Variants in NXN observed in about 807,000 individuals in gnomAD.
NXN encodes nucleoredoxin, also known as nucleoredoxin 1.
Under a neutral mutation model 48.6 loss-of-function variants are expected in NXN, and 16 were observed. The observed-to-expected ratio is 0.33, with a 90% CI of 0.22 to 0.50. The LOEUF (loss-of-function observed/expected upper bound fraction) is 0.50. NXN is among the 20% of genes least tolerant of loss of function. NXN has a pLI of 0.98. For missense variants in NXN, 492 were observed against 605.5 expected (o/e 0.81, Z 1.97); for synonymous variants, 281 against 269.6 (o/e 1.04, Z -0.41).
In NXN at chr17:919,965, T is replaced by C. The variant is rs11247564; in HGVS notation, c.360+59354A>G. ...CTGCCTCAGCCCCCACCGGCACCCT[T>C]GGTGCCTTCATCACCCATCCAGAGC... is the stretch of plus-strand genomic sequence containing the variant. On this transcript the variant is annotated intron_variant, in intron 1 of 7. Coordinates refer to ENST00000336868, the MANE Select transcript of NXN (RefSeq NM_022463.5). The surrounding 1 kb of genome is among the most constrained non-coding windows in gnomAD (Gnocchi z 5.1). Among the ~76,000 whole-genome samples, 89,356 of 151,700 alleles carry C rather than the reference T, an allele frequency of 0.59. 26,803 individuals are homozygous for C. Among genetic ancestry groups the C allele is most frequent in the East Asian group, 0.84 (4,337 of 5,152 alleles).
intron 1 of NXN, among the ~76,000 whole-genome samples, chr17:882,058 T>TG (rs1448216104): frequency 6.6e-6 from 1 of 152,168 alleles, no homozygotes; most frequent in Non-Finnish European, 1.5e-5. Flanking sequence ...CACACTGAGC[T>TG]GGGTCCTTAA....
rs901154521 is a variant in NXN, at chr17:819,686, A to G, written c.714-141T>C. ...CACTGTGCTCCTTAGGCAACAGGCT[A>G]TGGGAGTGTGTTATTCTACCCCGGC... On this transcript the variant is annotated intron_variant, in intron 4 of 7. Coordinates refer to ENST00000336868, the MANE Select transcript of NXN (RefSeq NM_022463.5). 4.9e-6 allele frequency: 3 copies of G among 611,764 alleles called. No individual in the cohort carries two copies. In the African/African-American group the frequency reaches 5.6e-5, roughly 11 times the overall value. The allele number at this position is 611,764 out of a possible 1,614,324, so 37.9% of individuals were successfully genotyped here.
chr17:839,694 C>T (rs78252211), intron 1 of NXN, among the ~76,000 whole-genome samples: 7,111 of 150,068 alleles, frequency 0.047, 284 homozygotes, highest in East Asian at 0.24. Context: ...CCCAGCTACG[C>T]AGGAGGTTGA....
intron 1 of NXN, among the ~76,000 whole-genome samples, chr17:955,667 C>T (rs370046265): frequency 1.3e-4 from 20 of 149,454 alleles, no homozygotes; most frequent in Admixed American, 3.3e-4. Flanking sequence ...GAGGCCGAGG[C>T]GGGCGGATCA....
At chr17:851,650 A>G (rs968622128) in intron 1 of NXN, among the ~76,000 whole-genome samples, 3 of 152,224 alleles carry the variant, frequency 2.0e-5, no homozygotes, top group African/African-American at 4.8e-5. Flanking sequence ...AGGCGTCCAC[A>G]TGTATCATTT....
At chr17:962,756 C>T (rs1293366393) in intron 1 of NXN, among the ~76,000 whole-genome samples, 3 of 152,126 alleles carry the variant, frequency 2.0e-5, no homozygotes, top group African/African-American at 7.2e-5. Context: ...GGCTTTTGTC[C>T]CCATATACAT....
rs908219320 is a variant in NXN, at chr17:920,709, C to T, written c.360+58610G>A. The stretch of plus-strand genomic sequence containing the variant: ...CTCAAAATCACCTGGAAGATTCCAC[C>T]GTTCAGGAAGCCTTTTTTTTTTTTT... On this transcript the variant is annotated intron_variant, in intron 1 of 7. Coordinates refer to ENST00000336868, the MANE Select transcript of NXN (RefSeq NM_022463.5). This position sits in a 1 kb window ranked among gnomAD's most constrained non-coding sequence, Gnocchi z 4.6. Among the ~76,000 whole-genome samples, 9 of 150,766 alleles carry T rather than the reference C, an allele frequency of 6.0e-5. No individual in the cohort carries two copies. Among genetic ancestry groups the T allele is most frequent in the African/African-American group, 2.2e-4 (9 of 41,346 alleles).
At chr17:808,973 A>G (rs909811656) in intron 5 of NXN, among the ~76,000 whole-genome samples, 2 of 152,154 alleles carry the variant, frequency 1.3e-5, no homozygotes, top group East Asian at 1.9e-4. Context: ...CACCGCACCC[A>G]GCCATTATAT....
intron 1 of NXN, among the ~76,000 whole-genome samples, chr17:847,596 A>G (rs2144735805): frequency 6.6e-6 from 1 of 152,262 alleles, no homozygotes; most frequent in Non-Finnish European, 1.5e-5. Flanking sequence ...CCACGTCCAC[A>G]GCAAAAGGAA....
rs1306990893 is a variant in NXN at position 800,738 on chromosome 17, G to C, written c.*211C>G. 1.0e-5 allele frequency: 4 copies of C among 390,026 alleles called. No homozygotes were observed. The highest frequency in any genetic ancestry group is 1.4e-5 in the Non-Finnish European group (3 of 220,744). 24.2% of individuals were successfully genotyped at this position (390,026 alleles called of 1,614,324 possible). A position where few individuals can be genotyped will look rare whatever the true frequency, so the allele number is the denominator to read the frequency against. On this transcript the variant is annotated 3_prime_UTR_variant, in exon 8 of 8. Transcript: ENST00000336868. ...CCCGGCCATCCCGTGCTCCCAAACA[G>C]AGTCTCCAAACACGGTGGACTCTGC...
chr17:803,583 A>G, intron 7 of NXN, 99 bp downstream of exon 7: 1 of 1,493,892 alleles, frequency 6.7e-7, no homozygotes, highest in Non-Finnish European at 9.2e-7. Flanking sequence ...GGCAGCCCTG[A>G]CCCTGGGGTC....
rs2663323 is a variant in NXN, at chr17:963,213, G to A, written c.360+16106C>T. Among the ~76,000 whole-genome samples the A allele has an allele frequency of 1.6e-3, 173 of 107,658 alleles. 3 individuals are homozygous for A. The highest frequency in any genetic ancestry group is 1.0e-2 in the African/African-American group (113 of 11,310). The allele number at this position is 107,658 out of a possible 152,430, so 70.6% of individuals were successfully genotyped here. A position where few individuals can be genotyped will look rare whatever the true frequency, so the allele number is the denominator to read the frequency against. Reference sequence around the variant, plus strand: ...AAAAAAAAGGTATAGGTACTGGGACGGACACACACACACACACACACACAC... The same window carrying A: ...AAAAAAAAGGTATAGGTACTGGGACAGACACACACACACACACACACACAC... On this transcript the variant is annotated intron_variant, in intron 1 of 7. Transcript: ENST00000336868.
chr17:918,555 G>A (rs2068713616), intron 1 of NXN, among the ~76,000 whole-genome samples: 1 of 152,172 alleles, frequency 6.6e-6, no homozygotes, highest in African/African-American at 2.4e-5. Flanking sequence ...CAGAAAGTGA[G>A]GCCGAGGCGG....
At chr17:954,449 G>A (rs2069144690) in intron 1 of NXN, among the ~76,000 whole-genome samples, 1 of 152,240 alleles carries the variant, frequency 6.6e-6, no homozygotes, top group Non-Finnish European at 1.5e-5. Flanking sequence ...TCAAGTGGCA[G>A]GTCTGACCCG....
At chr17:816,763 A>G (rs1174483546) in intron 5 of NXN, among the ~76,000 whole-genome samples, 2 of 152,308 alleles carry the variant, frequency 1.3e-5, no homozygotes, top group East Asian at 1.9e-4. Flanking sequence ...CAGTAAAGAC[A>G]TTCACTCAGC....
At chr17:967,732 G>A (rs997517170) in intron 1 of NXN, among the ~76,000 whole-genome samples, 9 of 152,202 alleles carry the variant, frequency 5.9e-5, no homozygotes, top group Non-Finnish European at 7.3e-5. Context: ...AGCACTTTGG[G>A]AGGCCGAGGC....
intron 1 of NXN, among the ~76,000 whole-genome samples, chr17:946,542 G>T (rs947079805): frequency 6.6e-6 from 1 of 152,166 alleles, no homozygotes; most frequent in African/African-American, 2.4e-5. Flanking sequence ...GTCCGTAGTG[G>T]GTGTGCTCAA....
At chr17:903,260 C>T (rs1469756703) in intron 1 of NXN, among the ~76,000 whole-genome samples, 1 of 152,140 alleles carries the variant, frequency 6.6e-6, no homozygotes, top group African/African-American at 2.4e-5. Context: ...GGCTGGAGTG[C>T]AGTGGTGCCA....
In NXN at chr17:857,663, T is replaced by C. The variant is rs1005497204; in HGVS notation, c.361-31585A>G. On this transcript the variant is annotated intron_variant, in intron 1 of 7. Coordinates refer to ENST00000336868, the MANE Select transcript of NXN (RefSeq NM_022463.5). ...CAAGAATATTCTAAAAAGCTGAGCA[T>C]AAAAGCTGTAGCTCTCTTTCTCAAT... Among the ~76,000 whole-genome samples, 4 of 152,280 alleles carry C rather than the reference T, an allele frequency of 2.6e-5. No homozygotes were observed. In the East Asian group the frequency reaches 5.8e-4, roughly 22 times the overall value.
Sources: gnomAD v4.1 joint callset for allele counts (sites outside exome capture counted in the v4.1 genomes callset) on GRCh38, gnomAD v4.1.1 for gene constraint, Gnocchi (gnomAD v3.1) non-coding constraint, MANE v1.5 for transcripts, NCBI Gene and HGNC (gene_info 2026-07-23, HGNC 2026-07-21) for gene names.